RNF150: variants seen among roughly 807,000 people sequenced by gnomAD.
RNF150 encodes ring finger protein 150.
In RNF150, 24 loss-of-function variants were observed where a neutral mutation model predicts 39.3. That is an observed-to-expected ratio of 0.61 (90% CI 0.44 to 0.86). The LOEUF is 0.86. Among genes scored for constraint, RNF150 ranks in the 40% least tolerant of loss-of-function variants. The probability of loss-of-function intolerance (pLI) is 0.00; values close to 1 mark genes in which losing one functional copy is unlikely to be tolerated. For synonymous variants in RNF150, 255 were observed against 227.3 expected, an observed-to-expected ratio of 1.12 and a Z score of -1.10; for missense variants, 502 against 587.8, an observed-to-expected ratio of 0.85 and a Z score of 1.51.
chr4:140,960,764 A>G (rs1027874330), intron 2 of RNF150, among the ~76,000 whole-genome samples: 4 of 152,286 alleles, frequency 2.6e-5, no homozygotes, highest in African/African-American at 9.6e-5. Context: ...TAAAAAGGCC[A>G]TATGTAGACT....
At chr4:140,897,141 T>G (rs1460483655) in intron 6 of RNF150, among the ~76,000 whole-genome samples, 1 of 152,090 alleles carries the variant, frequency 6.6e-6, no homozygotes, top group Non-Finnish European at 1.5e-5. Context: ...ATGTGTTCAG[T>G]GGGGAGATTC....
chr4:141,192,041 T>C (rs1036030480), intron 1 of RNF150, among the ~76,000 whole-genome samples: 12 of 152,178 alleles, frequency 7.9e-5, no homozygotes, highest in African/African-American at 2.4e-4. Context: ...CCTTTTCTGG[T>C]CAAGATTTAC....
intron 1 of RNF150, among the ~76,000 whole-genome samples, chr4:140,996,805 G>A (rs188467885): frequency 9.3e-4 from 141 of 152,308 alleles, no homozygotes; most frequent in Non-Finnish European, 1.9e-3. Flanking sequence ...TGTGGCAAAT[G>A]TTCATTGTGT....
chr4:141,129,868 A>C (rs1032258188), intron 1 of RNF150, among the ~76,000 whole-genome samples: 1 of 152,234 alleles, frequency 6.6e-6, no homozygotes, highest in African/African-American at 2.4e-5. Context: ...GCATAACACT[A>C]AATACAGACC....
intron 1 of RNF150, among the ~76,000 whole-genome samples, chr4:141,163,289 G>A (rs1011013163): frequency 1.3e-5 from 2 of 152,194 alleles, no homozygotes; most frequent in Admixed American, 6.5e-5. Context: ...CTGAAAGAAA[G>A]GCAGCACCTC....
intron 1 of RNF150, among the ~76,000 whole-genome samples, chr4:141,050,679 G>A (rs1736742132): frequency 6.6e-6 from 1 of 152,212 alleles, no homozygotes; most frequent in Admixed American, 6.5e-5. Flanking sequence ...TCATACTGAT[G>A]CAAGAGGTGG....
At chr4:141,119,511 A>T (rs2111082301) in intron 1 of RNF150, among the ~76,000 whole-genome samples, 1 of 152,332 alleles carries the variant, frequency 6.6e-6, no homozygotes, top group East Asian at 1.9e-4. Context: ...TCTGTATTTG[A>T]TAACAGCTGA....
chr4:141,091,819 T>C (rs569961999), intron 1 of RNF150, among the ~76,000 whole-genome samples: 1 of 152,132 alleles, frequency 6.6e-6, no homozygotes, highest in Admixed American at 6.5e-5. Context: ...ACAAAAGAAC[T>C]ACAAGAATAG....
chr4:141,060,398 G>A (rs956836136), intron 1 of RNF150, among the ~76,000 whole-genome samples: 1 of 152,102 alleles, frequency 6.6e-6, no homozygotes, highest in African/African-American at 2.4e-5. Context: ...CCATGGCTGA[G>A]CCACTGCATT....
chr4:141,026,843 C>T (rs1380471640), intron 1 of RNF150, among the ~76,000 whole-genome samples: 1 of 152,130 alleles, frequency 6.6e-6, no homozygotes, highest in Non-Finnish European at 1.5e-5. Flanking sequence ...AATGTCAGAC[C>T]AGAGGCTTGT....
At chr4:140,972,550 T>A (rs1189993395) in intron 1 of RNF150, among the ~76,000 whole-genome samples, 1 of 152,190 alleles carries the variant, frequency 6.6e-6, no homozygotes, top group African/African-American at 2.4e-5. Flanking sequence ...ACAGTATGAA[T>A]GTTTTAGCTA....
intron 1 of RNF150, among the ~76,000 whole-genome samples, chr4:141,045,225 C>T (rs1408192150): frequency 6.6e-6 from 1 of 152,180 alleles, no homozygotes. Flanking sequence ...AATCAAAATA[C>T]CAGAAACACC....
At chr4:140,923,258 T>C (rs1014796911) in intron 5 of RNF150, among the ~76,000 whole-genome samples, 10 of 152,048 alleles carry the variant, frequency 6.6e-5, no homozygotes, top group South Asian at 2.1e-4. Flanking sequence ...TACAATGAAC[T>C]CAAACAAATT....
intron 1 of RNF150, among the ~76,000 whole-genome samples, chr4:141,195,819 G>A (rs951285250): frequency 3.9e-5 from 6 of 152,244 alleles, no homozygotes; most frequent in East Asian, 1.9e-4. Flanking sequence ...TGATAAAGTC[G>A]AAACATGCAT....
chr4:141,050,295 G>A (rs985761382), intron 1 of RNF150, among the ~76,000 whole-genome samples: 1 of 151,820 alleles, frequency 6.6e-6, no homozygotes, highest in African/African-American at 2.4e-5. Flanking sequence ...ATTTGGGCAG[G>A]GACAAAAGCA....
At chr4:141,028,263 TAGTC>T (rs1735796907) in intron 1 of RNF150, among the ~76,000 whole-genome samples, 1 of 152,314 alleles carries the variant, frequency 6.6e-6, no homozygotes, top group South Asian at 2.1e-4. Flanking sequence ...TGGCTAAAAT[TAGTC>T]AGAATCCTAG....
chr4:140,963,398 T>A (rs1427020602), intron 2 of RNF150, among the ~76,000 whole-genome samples: 1 of 151,958 alleles, frequency 6.6e-6, no homozygotes, highest in African/African-American at 2.4e-5. Flanking sequence ...GATAAAAATG[T>A]CCTATACATG....
intron 1 of RNF150, among the ~76,000 whole-genome samples, chr4:140,992,934 G>C (rs1579034608): frequency 1.3e-5 from 2 of 152,032 alleles, no homozygotes; most frequent in East Asian, 1.9e-4. Flanking sequence ...AGGCACCCGA[G>C]AGCAGAGCAG....
intron 6 of RNF150, among the ~76,000 whole-genome samples, chr4:140,878,842 G>A (rs1419074630): frequency 1.3e-5 from 2 of 152,168 alleles, no homozygotes; most frequent in Admixed American, 1.3e-4. Flanking sequence ...ATGCCATGAA[G>A]CTTTCCCCCT....
Sources: allele counts gnomAD v4.1 joint callset (sites outside exome capture counted in the v4.1 genomes callset), GRCh38; gene constraint gnomAD v4.1.1; transcripts MANE v1.5; gene names NCBI Gene and HGNC (gene_info 2026-07-23, HGNC 2026-07-21).